Variants in NKAIN3 observed in about 807,000 individuals in gnomAD.
The protein encoded by NKAIN3 is sodium/potassium-transporting ATPase subunit beta-1-interacting protein 3.
In NKAIN3, 25 loss-of-function variants were observed where a neutral mutation model predicts 30.2. That is an observed-to-expected ratio of 0.83 (90% confidence interval 0.60 to 1.16). NKAIN3 has a LOEUF of 1.16. Among genes scored for constraint, NKAIN3 ranks in the 50% most tolerant of loss-of-function variants. The pLI is 0.00. For synonymous variants in NKAIN3, 91 were observed against 89.6 expected (o/e 1.02, Z -0.09); for missense variants, 225 against 254.1 (o/e 0.89, Z 0.78).
chr8:62,489,252 C>T (rs1212093601), intron 1 of NKAIN3, among the ~76,000 whole-genome samples: 1 of 151,510 alleles, frequency 6.6e-6, no homozygotes, highest in Non-Finnish European at 1.5e-5. Context: ...GTCTCGATCT[C>T]CTGACCTCGT....
chr8:62,830,054 C>T (rs920432652), intron 4 of NKAIN3, among the ~76,000 whole-genome samples: 10 of 152,062 alleles, frequency 6.6e-5, no homozygotes, highest in African/African-American at 2.2e-4. Context: ...AAAGGAGAAG[C>T]CAGAATCCTA....
At chr8:62,692,362 G>A (rs1038626793) in intron 3 of NKAIN3, among the ~76,000 whole-genome samples, 4 of 152,138 alleles carry the variant, frequency 2.6e-5, no homozygotes, top group African/African-American at 9.7e-5. Context: ...TATGCATCCA[G>A]GTATAAGAAG....
intron 1 of NKAIN3, among the ~76,000 whole-genome samples, chr8:62,475,143 A>G (rs914315537): frequency 6.6e-6 from 1 of 152,320 alleles, no homozygotes; most frequent in East Asian, 1.9e-4. Context: ...ATAAAAAAAG[A>G]ATAAAGACAA....
intron 3 of NKAIN3, among the ~76,000 whole-genome samples, chr8:62,593,783 G>GT (rs1191875340): frequency 6.6e-6 from 1 of 152,044 alleles, no homozygotes; most frequent in Non-Finnish European, 1.5e-5. Context: ...GTAGAAAAAT[G>GT]TCACCTTGCT....
Position 62,974,751 on chromosome 8 carries a change from GGAGT to G in NKAIN3, c.*9346_*9349del, listed in dbSNP as rs1823907761. On this transcript the variant is annotated 3_prime_UTR_variant, in exon 7 of 7. Transcript: ENST00000623646. Reference sequence around the variant, plus strand: ...CCTTGTCTTGCGCCAGTTTTCAAAGGGAGTGCTTCCAGTTTTTGCCCATTCAGTG... The same window carrying G: ...CCTTGTCTTGCGCCAGTTTTCAAAGGGCTTCCAGTTTTTGCCCATTCAGTG... Among the ~76,000 whole-genome samples, 1 of 152,156 alleles carries G rather than the reference GGAGT, an allele frequency of 6.6e-6. No homozygotes were observed. Among genetic ancestry groups the G allele is most frequent in the African/African-American group, 2.4e-5 (1 of 41,422 alleles).
intron 1 of NKAIN3, among the ~76,000 whole-genome samples, chr8:62,576,529 C>T (rs1810114026): frequency 6.6e-6 from 1 of 152,070 alleles, no homozygotes; most frequent in Admixed American, 6.6e-5. Flanking sequence ...TTAGTGACTT[C>T]CTTCCACTGC....
chr8:62,522,224 G>A (rs1030327263), intron 1 of NKAIN3, among the ~76,000 whole-genome samples: 2 of 152,036 alleles, frequency 1.3e-5, no homozygotes, highest in African/African-American at 4.8e-5. Context: ...TTATAATGGA[G>A]CTGAAAAATT....
intron 1 of NKAIN3, among the ~76,000 whole-genome samples, chr8:62,503,521 G>A (rs1253922596): frequency 1.3e-5 from 2 of 152,210 alleles, no homozygotes; most frequent in East Asian, 3.9e-4. Context: ...CAGGGCTGGG[G>A]TTTCCCAATC....
chr8:62,717,048 C>T (rs1194916344), intron 3 of NKAIN3, among the ~76,000 whole-genome samples: 1 of 152,166 alleles, frequency 6.6e-6, no homozygotes, highest in African/African-American at 2.4e-5. Flanking sequence ...ATCATAGTTT[C>T]AATTCTACCT....
chr8:62,297,267 C>G (rs1008756013), intron 1 of NKAIN3, among the ~76,000 whole-genome samples: 3 of 152,216 alleles, frequency 2.0e-5, no homozygotes, highest in East Asian at 3.9e-4. Context: ...CATGGGCAAG[C>G]ACTTCATGTC....
intron 1 of NKAIN3, among the ~76,000 whole-genome samples, chr8:62,497,625 G>T (rs375578927): frequency 1.3e-5 from 2 of 152,034 alleles, no homozygotes; most frequent in Non-Finnish European, 2.9e-5. Flanking sequence ...CTATGTCAGA[G>T]GAGGCCAATT....
chr8:62,455,211 C>T (rs12677664), intron 1 of NKAIN3, among the ~76,000 whole-genome samples: 40 of 152,212 alleles, frequency 2.6e-4, no homozygotes, highest in Admixed American at 9.1e-4. Context: ...CTCTGTTCTA[C>T]GAAAAGACAC....
At chr8:62,629,372 T>C (rs1397893118) in intron 3 of NKAIN3, among the ~76,000 whole-genome samples, 1 of 152,162 alleles carries the variant, frequency 6.6e-6, no homozygotes. Context: ...AATGGAGTTT[T>C]ATTTATTGAA....
At chr8:62,533,464 G>A (rs1215625585) in intron 1 of NKAIN3, among the ~76,000 whole-genome samples, 1 of 146,552 alleles carries the variant, frequency 6.8e-6, no homozygotes, top group African/African-American at 2.6e-5. Context: ...CCCATGGCTG[G>A]GCAGGGCCTT....
chr8:62,964,812 T>TA (rs34832994), intron 6 of NKAIN3, among the ~76,000 whole-genome samples: 3,882 of 150,798 alleles, frequency 0.026, 61 homozygotes, highest in South Asian at 0.053. Flanking sequence ...ATAAAAAATT[T>TA]AAAAAAAAAC....
At chr8:62,569,413 G>C (rs554678289) in intron 1 of NKAIN3, among the ~76,000 whole-genome samples, 2 of 152,164 alleles carry the variant, frequency 1.3e-5, no homozygotes, top group Admixed American at 1.3e-4. Flanking sequence ...GAGTTGAATA[G>C]ATAGGAGAGT....
At chr8:62,417,722 A>T (rs1235472779) in intron 1 of NKAIN3, among the ~76,000 whole-genome samples, 1 of 152,194 alleles carries the variant, frequency 6.6e-6, no homozygotes, top group Non-Finnish European at 1.5e-5. Flanking sequence ...TTGACGATCA[A>T]TGATGCTGAG....
chr8:62,891,539 C>T (rs1821295819), intron 4 of NKAIN3, among the ~76,000 whole-genome samples: 1 of 152,152 alleles, frequency 6.6e-6, no homozygotes, highest in Admixed American at 6.6e-5. Flanking sequence ...TTCATATATA[C>T]ACCTATCCTA....
At chr8:62,732,129 T>A (rs968312829) in intron 3 of NKAIN3, among the ~76,000 whole-genome samples, 2 of 152,170 alleles carry the variant, frequency 1.3e-5, no homozygotes, top group Non-Finnish European at 2.9e-5. Flanking sequence ...TTAGATTTTT[T>A]AAGAATATTG....
Sources: allele counts gnomAD v4.1 joint callset (sites outside exome capture counted in the v4.1 genomes callset), GRCh38; gene constraint gnomAD v4.1.1; transcripts MANE v1.5; gene names NCBI Gene and HGNC (gene_info 2026-07-23, HGNC 2026-07-21).